The following RHOT1 variants were observed in gnomAD, a reference collection of about 807,000 sequenced individuals.
RHOT1 encodes mitochondrial Rho GTPase 1.
Under a neutral mutation model 95.3 loss-of-function variants are expected in RHOT1, and 27 were observed. The observed-to-expected ratio is 0.28, with a 90% CI of 0.21 to 0.39. The LOEUF is 0.39. Among genes scored for constraint, RHOT1 ranks in the 10% least tolerant of loss-of-function variants. The pLI is 1.00. For missense variants in RHOT1, 578 were observed against 786.7 expected, an observed-to-expected ratio of 0.73 and a Z score of 3.17; for synonymous variants, 227 against 263.5, an observed-to-expected ratio of 0.86 and a Z score of 1.34.
At chr17:32,178,587 A>T (rs930383230) in intron 6 of RHOT1, among the ~76,000 whole-genome samples, 2 of 152,180 alleles carry the variant, frequency 1.3e-5, no homozygotes, top group Non-Finnish European at 2.9e-5. Flanking sequence ...AAGTGCTAAG[A>T]TTACAGCCTC....
At chr17:32,168,105 ACTC>A (rs1202797285) in intron 1 of RHOT1, among the ~76,000 whole-genome samples, 1 of 150,936 alleles carries the variant, frequency 6.6e-6, no homozygotes, top group East Asian at 1.9e-4. Context: ...GTTGAGACCT[ACTC>A]CTCAAAAAAA....
At position 32,193,136 on chromosome 17, in the gene RHOT1, A is replaced by C. The variant is rs578182992; in HGVS notation, c.640A>C (p.Arg214=). The C allele has an allele frequency of 6.3e-7, 1 of 1,581,340 alleles. No individual in the cohort carries two copies. Among genetic ancestry groups the C allele is most frequent in the African/African-American group, 1.4e-5 (1 of 73,780 alleles). ...LNDAELNFFQ[R]ICFNTPLAPQ... The stretch of plus-strand genomic sequence containing the variant: ...AATATATTTTTATGTTTTTTGCTAG[A>C]GGATTTGTTTCAACACTCCATTAGC... The change falls in exon 10 of 20, where the codon AGG becomes CGG. Residue 214 remains arginine, a splice_region_variant and synonymous_variant. Transcript: ENST00000545287.
At chr17:32,220,897 T>G (rs1456928302) in intron 19 of RHOT1, among the ~76,000 whole-genome samples, 1 of 152,138 alleles carries the variant, frequency 6.6e-6, no homozygotes, top group Admixed American at 6.5e-5. Flanking sequence ...TTACTTTGCC[T>G]TATTTTCTAA....
At chr17:32,185,140 C>T (rs1054794519) in intron 8 of RHOT1, among the ~76,000 whole-genome samples, 4 of 150,950 alleles carry the variant, frequency 2.6e-5, no homozygotes, top group Non-Finnish European at 5.9e-5. Flanking sequence ...GACGGAGTTT[C>T]GCTCTTGTTG....
intron 1 of RHOT1, among the ~76,000 whole-genome samples, chr17:32,145,761 T>C (rs2031225812): frequency 6.6e-6 from 1 of 151,746 alleles, no homozygotes; most frequent in African/African-American, 2.4e-5. Flanking sequence ...ATGCCTATTA[T>C]CTCAGCACTT....
chr17:32,215,825 T>C (rs1035642535), intron 19 of RHOT1, among the ~76,000 whole-genome samples: 2 of 152,204 alleles, frequency 1.3e-5, no homozygotes, highest in African/African-American at 4.8e-5. Flanking sequence ...ACATGTAATC[T>C]TTCTCTTGGT....
At chr17:32,150,657 A>G in intron 1 of RHOT1, 2 of 1,587,046 alleles carry the variant, frequency 1.3e-6, no homozygotes, top group Non-Finnish European at 1.7e-6. Flanking sequence ...TGGATATCTC[A>G]TTCTCATCAG....
At chr17:32,197,226 C>G (rs1320897245) in intron 11 of RHOT1, among the ~76,000 whole-genome samples, 1 of 151,830 alleles carries the variant, frequency 6.6e-6, no homozygotes, top group Non-Finnish European at 1.5e-5. Flanking sequence ...GTACCTAGCT[C>G]AGTACATTTG....
intron 8 of RHOT1, among the ~76,000 whole-genome samples, chr17:32,191,230 G>A (rs2036467868): frequency 6.6e-6 from 1 of 152,134 alleles, no homozygotes; most frequent in Non-Finnish European, 1.5e-5. Context: ...GGTTAACTGT[G>A]TATGTTTGGA....
At chr17:32,142,811 G>A in intron 1 of RHOT1, 82 bp downstream of exon 1, 1 of 1,243,712 alleles carries the variant, frequency 8.0e-7, no homozygotes, top group Non-Finnish European at 1.1e-6. Context: ...CGCCCCTGCA[G>A]CCCCAACCTT....
chr17:32,217,900 T>C (rs1356495396), intron 19 of RHOT1, among the ~76,000 whole-genome samples: 3 of 151,976 alleles, frequency 2.0e-5, no homozygotes, highest in Non-Finnish European at 4.4e-5. Context: ...TCTCACTCTG[T>C]TGCCCAGGCT....
At chr17:32,212,026 A>G (rs1382801611) in intron 19 of RHOT1, among the ~76,000 whole-genome samples, 1 of 152,210 alleles carries the variant, frequency 6.6e-6, no homozygotes, top group African/African-American at 2.4e-5. Context: ...AGCATTTAAG[A>G]GCTGAATACT....
chr17:32,165,332 G>A lies in RHOT1; in HGVS notation c.38-5711G>A, dbSNP rs547520008. ...AGCCTGGGCGACAGAGCAAGACTCCGTCTCAAAAAAAAAAAAAAAAAAAAA... is the reference window on the plus strand; with the variant it reads ...AGCCTGGGCGACAGAGCAAGACTCCATCTCAAAAAAAAAAAAAAAAAAAAA... On this transcript the variant is annotated intron_variant, in intron 1 of 19. Transcript: ENST00000545287. Among the ~76,000 whole-genome samples, 178 of 91,184 alleles carry A rather than the reference G, an allele frequency of 2.0e-3. 1 individual carries two copies. The highest frequency in any genetic ancestry group is 9.8e-3 in the South Asian group (22 of 2,256). The allele number at this position is 91,184 out of a possible 152,430, so 59.8% of individuals were successfully genotyped here. A position where few individuals can be genotyped will look rare whatever the true frequency, so the allele number is the denominator to read the frequency against.
rs368285330 is a variant in RHOT1, at chr17:32,209,698, T to TTG, written c.1739+1403_1740-1403dup. Reference sequence around the variant, plus strand: ...TTTAAAACATTTTACTGTAATTCTGTTGTGTGTGTGTGTGTTATATGATAA... The same window carrying TTG: ...TTTAAAACATTTTACTGTAATTCTGTTGTGTGTGTGTGTGTGTTATATGATAA... On this transcript the variant is annotated intron_variant, in intron 18 of 19. Transcript: ENST00000545287. 127 of 336,186 alleles carry TTG rather than the reference T, an allele frequency of 3.8e-4. No homozygotes were observed. In the East Asian group the frequency reaches 4.3e-3, roughly 11 times the overall value. The allele number at this position is 336,186 out of a possible 1,614,324, so 20.8% of individuals were successfully genotyped here.
chr17:32,217,707 A>T (rs1567732897), intron 19 of RHOT1, among the ~76,000 whole-genome samples: 1 of 150,668 alleles, frequency 6.6e-6, no homozygotes, highest in Non-Finnish European at 1.5e-5. Context: ...GTGAGCCAAG[A>T]TTGCACCACT....
chr17:32,224,839 TTTA>T lies in RHOT1; in HGVS notation c.*110_*112del. The T allele has an allele frequency of 1.5e-6, 1 of 653,652 alleles. No individual in the cohort carries two copies. The highest frequency in any genetic ancestry group is 2.3e-5 in the South Asian group (1 of 43,942). The allele number at this position is 653,652 out of a possible 1,614,324, so 40.5% of individuals were successfully genotyped here. A position where few individuals can be genotyped will look rare whatever the true frequency, so the allele number is the denominator to read the frequency against. ...GAGATATTTATACATGCAGAGTTAC[TTTA>T]TTAATATTTGTAATTCATGCATAAG... On this transcript the variant is annotated 3_prime_UTR_variant, in exon 20 of 20. Coordinates refer to ENST00000545287, the MANE Select transcript of RHOT1 (RefSeq NM_001033566.3).
intron 6 of RHOT1, chr17:32,178,921 T>C (rs1384471783): frequency 4.7e-3 from 274 of 57,822 alleles, no homozygotes; most frequent in Middle Eastern, 0.014. Context: ...GCCGCCACCC[T>C]GTCTGGGATG....
chr17:32,160,749 G>C (rs548170385), intron 1 of RHOT1, among the ~76,000 whole-genome samples: 17 of 152,302 alleles, frequency 1.1e-4, no homozygotes, highest in African/African-American at 4.1e-4. Flanking sequence ...AGCAGCCGGC[G>C]TGCCTGGCTG....
chr17:32,220,061 TC>T (rs1342864501), intron 19 of RHOT1, among the ~76,000 whole-genome samples: 1 of 152,240 alleles, frequency 6.6e-6, no homozygotes, highest in Non-Finnish European at 1.5e-5. Context: ...AGAAAGATAG[TC>T]TTTTTTTTGT....
Sources: allele counts gnomAD v4.1 joint callset (sites outside exome capture counted in the v4.1 genomes callset), GRCh38; gene constraint gnomAD v4.1.1; transcripts MANE v1.5; gene names NCBI Gene and HGNC (gene_info 2026-07-23, HGNC 2026-07-21).